GRM5: variants seen among roughly 807,000 people sequenced by gnomAD.
The protein encoded by GRM5 is metabotropic glutamate receptor 5.
A neutral mutation model predicts 83.1 loss-of-function variants in GRM5; 19 were observed. That is an observed-to-expected ratio of 0.23 (90% CI 0.16 to 0.34). The LOEUF is 0.34. GRM5 is among the 10% of genes least tolerant of loss of function. The pLI, the probability that GRM5 is intolerant of heterozygous loss-of-function variation, is 1.00. For missense variants in GRM5, 1,160 were observed against 1,588.3 expected (o/e 0.73, Z 4.58); for synonymous variants, 675 against 633.6 (o/e 1.07, Z -0.98).
intron 3 of GRM5, among the ~76,000 whole-genome samples, chr11:88,835,620 G>T (rs1380397702): frequency 6.6e-6 from 1 of 151,410 alleles, no homozygotes; most frequent in African/African-American, 2.4e-5. Flanking sequence ...AATTACACTT[G>T]TTTTACAGAA....
chr11:89,011,088 A>G (rs1200468864), intron 2 of GRM5, among the ~76,000 whole-genome samples: 1 of 152,238 alleles, frequency 6.6e-6, no homozygotes, highest in African/African-American at 2.4e-5. Flanking sequence ...AGGAAACTCA[A>G]TGAGTTAGAA....
chr11:88,515,501 G>A (rs1407513494), intron 9 of GRM5, among the ~76,000 whole-genome samples: 1 of 152,072 alleles, frequency 6.6e-6, no homozygotes, highest in Non-Finnish European at 1.5e-5. Context: ...AATGTTTGTG[G>A]TCATCGCTAT....
chr11:88,950,011 C>T (rs1236840690), intron 2 of GRM5, among the ~76,000 whole-genome samples: 1 of 151,264 alleles, frequency 6.6e-6, no homozygotes, highest in Non-Finnish European at 1.5e-5. Flanking sequence ...ACTACAGGTA[C>T]ATGCCACCAA....
At chr11:88,805,024 G>A (rs1943474695) in intron 3 of GRM5, among the ~76,000 whole-genome samples, 1 of 152,120 alleles carries the variant, frequency 6.6e-6, no homozygotes, top group South Asian at 2.1e-4. Context: ...AATAAATTCA[G>A]TGATTTTTGT....
rs1937623407 is a variant in GRM5 at position 88,590,733 on chromosome 11, G to A, written c.1564-6C>T. ...ACTTCTCCCTTTCGGATCACCTAAG[G>A]CAAATATTTGAAATTTAGATTTTTT... On this transcript the variant is annotated splice_region_variant and splice_polypyrimidine_tract_variant and intron_variant, in intron 6 of 9. Transcript: ENST00000305447. The A allele has an allele frequency of 2.5e-6, 4 of 1,605,320 alleles. No individual in the cohort carries two copies. The highest frequency in any genetic ancestry group is 2.7e-5 in the African/African-American group (2 of 74,504).
intron 4 of GRM5, among the ~76,000 whole-genome samples, chr11:88,621,994 A>G (rs955197259): frequency 6.6e-6 from 1 of 152,202 alleles, no homozygotes; most frequent in African/African-American, 2.4e-5. Context: ...CATTTTTATC[A>G]AAAAGTATTT....
chr11:88,771,402 A>T (rs1023699607), intron 3 of GRM5, among the ~76,000 whole-genome samples: 3 of 152,128 alleles, frequency 2.0e-5, no homozygotes, highest in Non-Finnish European at 4.4e-5. Context: ...CCACGGCTGA[A>T]GGCCCAAGAG....
chr11:88,658,420 G>A (rs1939822218), intron 3 of GRM5, among the ~76,000 whole-genome samples: 1 of 152,146 alleles, frequency 6.6e-6, no homozygotes, highest in African/African-American at 2.4e-5. Context: ...TTCCCACGGA[G>A]AGGAGCAGTG....
intron 1 of GRM5, among the ~76,000 whole-genome samples, chr11:89,053,879 C>G (rs1941814401): frequency 6.6e-6 from 1 of 152,130 alleles, no homozygotes; most frequent in East Asian, 1.9e-4. Context: ...TACAAAGCCC[C>G]TAAGACAGAC....
At chr11:88,771,767 T>C (rs1380670709) in intron 3 of GRM5, among the ~76,000 whole-genome samples, 1 of 152,088 alleles carries the variant, frequency 6.6e-6, no homozygotes, top group East Asian at 1.9e-4. Context: ...GAGTGTGAAA[T>C]ACACTCATGG....
chr11:88,793,805 A>C (rs1275155123), intron 3 of GRM5, among the ~76,000 whole-genome samples: 2 of 152,036 alleles, frequency 1.3e-5, no homozygotes, highest in Non-Finnish European at 2.9e-5. Flanking sequence ...AACAACAGAG[A>C]AGACTGTTTT....
chr11:88,739,928 A>G (rs561218151), intron 3 of GRM5, among the ~76,000 whole-genome samples: 3 of 152,222 alleles, frequency 2.0e-5, no homozygotes, highest in African/African-American at 7.2e-5. Context: ...ACTCCTGATT[A>G]TATTTAATAT....
At chr11:88,752,376 A>G (rs928029084) in intron 3 of GRM5, among the ~76,000 whole-genome samples, 1 of 152,078 alleles carries the variant, frequency 6.6e-6, no homozygotes, top group African/African-American at 2.4e-5. Context: ...AATAAAATAC[A>G]TAGGAATACA....
chr11:88,748,220 C>A (rs1942184394), intron 3 of GRM5, among the ~76,000 whole-genome samples: 1 of 152,166 alleles, frequency 6.6e-6, no homozygotes, highest in African/African-American at 2.4e-5. Flanking sequence ...CTCAGCAGAG[C>A]AGCCACTCAG....
chr11:88,895,335 T>C (rs1945213470), intron 2 of GRM5, among the ~76,000 whole-genome samples: 1 of 151,922 alleles, frequency 6.6e-6, no homozygotes, highest in Admixed American at 6.6e-5. Flanking sequence ...TAAAGAATGA[T>C]GAATATAAGT....
chr11:89,033,565 TA>T (rs1253060730), intron 2 of GRM5, among the ~76,000 whole-genome samples: 2 of 151,990 alleles, frequency 1.3e-5, no homozygotes, highest in African/African-American at 4.8e-5. Flanking sequence ...GACATTTTTT[TA>T]TCCAGCTAAT....
In GRM5 at chr11:88,662,932, C is replaced by T. The variant is rs568218920; in HGVS notation, c.912-9529G>A. Among the ~76,000 whole-genome samples the T allele has an allele frequency of 9.2e-5, 14 of 152,330 alleles. No individual in the cohort carries two copies. In the East Asian group the frequency reaches 2.7e-3, roughly 29 times the overall value. On this transcript the variant is annotated intron_variant, in intron 3 of 9. Transcript: ENST00000305447. Reference sequence around the variant, plus strand: ...ATGCAGTTCGCCAATACCCTGACTACAGCCTGTCTGACCCTGAGCAGAGAA... The same window carrying T: ...ATGCAGTTCGCCAATACCCTGACTATAGCCTGTCTGACCCTGAGCAGAGAA...
intron 3 of GRM5, among the ~76,000 whole-genome samples, chr11:88,773,975 C>G (rs911037346): frequency 6.6e-6 from 1 of 152,086 alleles, no homozygotes; most frequent in Non-Finnish European, 1.5e-5. Context: ...GTAGTTTCTT[C>G]CAATTCTGTG....
intron 2 of GRM5, among the ~76,000 whole-genome samples, chr11:88,875,827 T>C (rs117071028): frequency 6.6e-6 from 1 of 152,110 alleles, no homozygotes; most frequent in Non-Finnish European, 1.5e-5. Flanking sequence ...TTAAGAGTAG[T>C]TCTTAACTGT....
Sources: gnomAD v4.1 joint callset for allele counts (sites outside exome capture counted in the v4.1 genomes callset) on GRCh38, gnomAD v4.1.1 for gene constraint, MANE v1.5 for transcripts, NCBI Gene and HGNC (gene_info 2026-07-23, HGNC 2026-07-21) for gene names.